The following FLVCR2 variants were observed in gnomAD, a reference collection of about 807,000 sequenced individuals.
FLVCR2 encodes FLVCR choline and putative heme transporter 2.
FLVCR2 carries 38 observed loss-of-function variants against 48.9 expected under a neutral mutation model. The observed-to-expected ratio is 0.78, with a 90% CI of 0.60 to 1.02. The LOEUF (loss-of-function observed/expected upper bound fraction) is 1.02, where lower values mean the gene tolerates loss of function less well. FLVCR2 is among the 50% of genes least tolerant of loss of function. FLVCR2 has a pLI of 0.00. For synonymous variants in FLVCR2, 255 were observed against 257.0 expected (o/e 0.99, Z 0.07); for missense variants, 664 against 663.3 (o/e 1.00, Z -0.01).
intron 1 of FLVCR2, among the ~76,000 whole-genome samples, chr14:75,595,369 G>C (rs1329877471): frequency 2.6e-5 from 4 of 152,228 alleles, no homozygotes; most frequent in Non-Finnish European, 5.9e-5. Context: ...GATCCTAGCA[G>C]ATAACGAAAG....
At chr14:75,622,294 C>A in intron 2 of FLVCR2, 74 bp downstream of exon 2, 1 of 1,397,320 alleles carries the variant, frequency 7.2e-7, no homozygotes, top group Non-Finnish European at 1.0e-6. Context: ...TTGATGGGAC[C>A]CTTGTGAACA....
At chr14:75,611,102 T>C (rs1889433263) in intron 1 of FLVCR2, among the ~76,000 whole-genome samples, 1 of 152,152 alleles carries the variant, frequency 6.6e-6, no homozygotes, top group South Asian at 2.1e-4. Flanking sequence ...AACAGTTTAG[T>C]TTGGGAGACA....
At chr14:75,619,234 A>G (rs1889699695) in intron 1 of FLVCR2, among the ~76,000 whole-genome samples, 1 of 152,132 alleles carries the variant, frequency 6.6e-6, no homozygotes, top group Non-Finnish European at 1.5e-5. Flanking sequence ...TCAGAAAATA[A>G]TAATAATTAA....
intron 1 of FLVCR2, among the ~76,000 whole-genome samples, chr14:75,593,807 T>C (rs769857234): frequency 9.8e-5 from 15 of 152,380 alleles, no homozygotes; most frequent in Non-Finnish European, 2.1e-4. Flanking sequence ...TTCTGTCTAC[T>C]AATTTTTTTA....
intron 1 of FLVCR2, among the ~76,000 whole-genome samples, chr14:75,583,592 T>C (rs1474881799): frequency 6.6e-6 from 1 of 152,126 alleles, no homozygotes; most frequent in Non-Finnish European, 1.5e-5. Flanking sequence ...GAATGAGGTG[T>C]GGCTGTAGCC....
intron 1 of FLVCR2, among the ~76,000 whole-genome samples, chr14:75,606,241 G>C (rs1435528452): frequency 6.6e-6 from 1 of 152,128 alleles, no homozygotes; most frequent in African/African-American, 2.4e-5. Flanking sequence ...TGCCAGGGCT[G>C]GTCTTGAACT....
intron 1 of FLVCR2, among the ~76,000 whole-genome samples, chr14:75,604,625 C>T (rs1029023030): frequency 1.1e-4 from 16 of 152,066 alleles, no homozygotes; most frequent in Admixed American, 1.0e-3. Flanking sequence ...TAAAGGTAAT[C>T]GCCTCTGTCT....
intron 1 of FLVCR2, among the ~76,000 whole-genome samples, chr14:75,586,529 C>T (rs1028874036): frequency 6.6e-6 from 1 of 152,128 alleles, no homozygotes; most frequent in Non-Finnish European, 1.5e-5. Flanking sequence ...ACTATTTTCT[C>T]CTATCTATTA....
At chr14:75,640,629 C>T in intron 6 of FLVCR2, 1 of 391,064 alleles carries the variant, frequency 2.6e-6, no homozygotes, top group Non-Finnish European at 4.9e-6. Flanking sequence ...AGGACATAGT[C>T]TCTCAGCTGA....
In FLVCR2 at chr14:75,579,590, C is replaced by G; in HGVS notation, c.618C>G (p.Phe206Leu). ...GMPSRIASVW[F>L]GANEVSTACS... ...CCTCCCGCATCGCTTCCGTCTGGTT[C>G]GGGGCTAATGAGGTTTCAACAGCCT... is the stretch of plus-strand genomic sequence containing the variant. The change falls in exon 1 of 10, where the codon TTC becomes TTG. Residue 206 changes from phenylalanine to leucine, a missense_variant. By Grantham distance (22) the Phe-to-Leu change is conservative (BLOSUM62 0). Transcript: ENST00000238667. The G allele has an allele frequency of 1.9e-6, 3 of 1,614,048 alleles. No homozygotes were observed. The highest frequency in any genetic ancestry group is 2.5e-6 in the Non-Finnish European group (3 of 1,180,014).
At chr14:75,599,968 G>T (rs1415561499) in intron 1 of FLVCR2, among the ~76,000 whole-genome samples, 1 of 152,182 alleles carries the variant, frequency 6.6e-6, no homozygotes, top group East Asian at 1.9e-4. Flanking sequence ...TTGAATAGGG[G>T]CTGGGTAAAA....
chr14:75,632,962 A>G, intron 3 of FLVCR2: 2 of 702,376 alleles, frequency 2.8e-6, no homozygotes, highest in South Asian at 1.5e-5. Flanking sequence ...GGTCAGTTCC[A>G]GTCTCAGCTA....
intron 3 of FLVCR2, among the ~76,000 whole-genome samples, chr14:75,625,675 T>A (rs1383539576): frequency 2.6e-5 from 4 of 151,992 alleles, no homozygotes; most frequent in Non-Finnish European, 5.9e-5. Flanking sequence ...AACAAAGAAA[T>A]GAAATTGGTT....
In FLVCR2 at chr14:75,632,801, G is replaced by A. The variant is rs185622636; in HGVS notation, c.953-828G>A. On this transcript the variant is annotated intron_variant, in intron 3 of 9. Coordinates refer to ENST00000238667, the MANE Select transcript of FLVCR2 (RefSeq NM_017791.3). ...TGGCAGTACTTATTATTTTAACTGTGTGTGCATCTTTATTATCTCTAAAAT... is the reference window on the plus strand; with the variant it reads ...TGGCAGTACTTATTATTTTAACTGTATGTGCATCTTTATTATCTCTAAAAT... 447 of 702,150 alleles carry A rather than the reference G, an allele frequency of 6.4e-4. 1 individual carries two copies. Among genetic ancestry groups the A allele is most frequent in the Middle Eastern group, 3.7e-3 (16 of 4,364 alleles). The allele number at this position is 702,150 out of a possible 1,614,324, so 43.5% of individuals were successfully genotyped here.
intron 1 of FLVCR2, among the ~76,000 whole-genome samples, chr14:75,580,272 T>C (rs1351811461): frequency 6.6e-6 from 1 of 152,212 alleles, no homozygotes; most frequent in African/African-American, 2.4e-5. Context: ...TTTTTCTCTT[T>C]CTTTCTTATT....
intron 1 of FLVCR2, among the ~76,000 whole-genome samples, chr14:75,587,398 AG>A (rs1289925905): frequency 2.0e-5 from 3 of 152,040 alleles, no homozygotes; most frequent in African/African-American, 7.2e-5. Context: ...GATAGTTTCC[AG>A]CAGTTTTGTT....
chr14:75,640,733 C>A, intron 6 of FLVCR2: 1 of 585,600 alleles, frequency 1.7e-6, no homozygotes, highest in Non-Finnish European at 3.1e-6. Flanking sequence ...ATCCCAGAGG[C>A]CTGCTGAGCA....
At chr14:75,632,846 A>G (rs1334213505) in intron 3 of FLVCR2, 1 of 702,280 alleles carries the variant, frequency 1.4e-6, no homozygotes, top group Non-Finnish European at 2.6e-6. Flanking sequence ...AATACTACCT[A>G]CTTTCTAGAG....
intron 9 of FLVCR2, among the ~76,000 whole-genome samples, chr14:75,644,441 T>C (rs1890371091): frequency 6.6e-6 from 1 of 152,240 alleles, no homozygotes; most frequent in Admixed American, 6.5e-5. Flanking sequence ...AGCCAGCTCT[T>C]TGTGTACATG....
Sources: gnomAD v4.1 joint callset for allele counts (sites outside exome capture counted in the v4.1 genomes callset) on GRCh38, gnomAD v4.1.1 for gene constraint, MANE v1.5 for transcripts, NCBI Gene and HGNC (gene_info 2026-07-23, HGNC 2026-07-21) for gene names.